Variants in CCDC14 observed in about 807,000 individuals in gnomAD.
CCDC14 encodes the protein coiled-coil domain containing 14, also known as coiled-coil domain-containing protein 14.
In CCDC14, 71 loss-of-function variants were observed where a neutral mutation model predicts 81.4. The ratio of observed to expected loss-of-function variants is 0.87; its 90% CI spans 0.72 to 1.06. The LOEUF (loss-of-function observed/expected upper bound fraction) is 1.06, where lower values mean the gene tolerates loss of function less well. CCDC14 is among the 50% of genes least tolerant of loss of function. The probability of loss-of-function intolerance (pLI) is 0.00; values close to 1 mark genes in which losing one functional copy is unlikely to be tolerated. For missense variants in CCDC14, 1,046 were observed against 1,047.3 expected (o/e 1.00, Z 0.02); for synonymous variants, 332 against 364.8 (o/e 0.91, Z 1.03).
chr3:123,902,504 C>A (rs545610041), intron 5 of CCDC14, among the ~76,000 whole-genome samples: 1 of 152,290 alleles, frequency 6.6e-6, no homozygotes, highest in African/African-American at 2.4e-5. Context: ...ATTCCATTAA[C>A]AATTCACAGG....
intron 9 of CCDC14, among the ~76,000 whole-genome samples, chr3:123,941,423 T>TA (rs2036346758): frequency 6.6e-6 from 1 of 151,018 alleles, no homozygotes; most frequent in Non-Finnish European, 1.5e-5. Flanking sequence ...TCCAAATATC[T>TA]AAACAGGAAA....
At chr3:123,952,604 T>C (rs370665143) in intron 5 of CCDC14, 33 of 531,290 alleles carry the variant, frequency 6.2e-5, no homozygotes, top group Non-Finnish European at 9.3e-5. Flanking sequence ...CCTGACTCCA[T>C]AGGCATTCAG....
At chr3:123,954,032 T>A (rs1430855745) in intron 5 of CCDC14, 1 of 152,172 alleles carries the variant, frequency 6.6e-6, no homozygotes, top group Non-Finnish European at 1.5e-5. Flanking sequence ...ACAGAGGCAG[T>A]TAAGTCAGGA....
chr3:123,936,767 A>G (rs2036079247), intron 9 of CCDC14, among the ~76,000 whole-genome samples: 1 of 152,086 alleles, frequency 6.6e-6, no homozygotes, highest in African/African-American at 2.4e-5. Flanking sequence ...GGGTGATGTA[A>G]TAACATGTAT....
chr3:123,886,675 C>A, the CCDC14 span, among the ~76,000 whole-genome samples: 16,394 of 152,156 alleles, frequency 0.11, 954 homozygotes, highest in Middle Eastern at 0.21. Flanking sequence ...GGATTACAGG[C>A]ATGAGCCACC....
chr3:123,914,022 T>A lies in CCDC14; in HGVS notation c.*757A>T. 1 of 985,316 alleles carries A rather than the reference T, an allele frequency of 1.0e-6. No homozygotes were observed. Among genetic ancestry groups the A allele is most frequent in the Non-Finnish European group, 1.2e-6 (1 of 829,518 alleles). 61.0% of individuals were successfully genotyped at this position (985,316 alleles called of 1,614,324 possible). On this transcript the variant is annotated 3_prime_UTR_variant, in exon 13 of 13. Coordinates refer to ENST00000409697, the MANE Select transcript of CCDC14 (RefSeq NM_001366335.1). Reference sequence around the variant, plus strand: ...TCAATGCCAAGATTTACAAATTCCATCATGTTTAAATATAAGGACAAAAAT... The same window carrying A: ...TCAATGCCAAGATTTACAAATTCCAACATGTTTAAATATAAGGACAAAAAT...
In CCDC14 at chr3:123,956,361, T is replaced by C; in HGVS notation, c.153A>G (p.Glu51=). The C allele has an allele frequency of 1.3e-6, 2 of 1,543,662 alleles. No individual in the cohort carries two copies. Among genetic ancestry groups the C allele is most frequent in the South Asian group, 2.4e-5 (2 of 82,308 alleles). Residue 51 remains glutamate (E), a synonymous_variant, in exon 3 of 13, where the codon GAA becomes GAG. Coordinates refer to ENST00000409697, the MANE Select transcript of CCDC14 (RefSeq NM_001366335.1). Reference sequence around the variant, plus strand: ...TGTATCTATTCAATCTTACCTGACTTTCTGAATCAGAATGGATGGAATAGC... The same window carrying C: ...TGTATCTATTCAATCTTACCTGACTCTCTGAATCAGAATGGATGGAATAGC... The part of the protein sequence containing the change: ...DSGYSIHSDS[E]SQAETVHGLD...
At chr3:123,958,345 A>T (rs900093294) in intron 1 of CCDC14, 2 of 152,160 alleles carry the variant, frequency 1.3e-5, no homozygotes, top group African/African-American at 4.8e-5. Flanking sequence ...AAGATTACAT[A>T]TGGTGTTTCT....
chr3:123,933,608 C>A, intron 10 of CCDC14, 65 bp downstream of exon 10: 1 of 1,136,884 alleles, frequency 8.8e-7, no homozygotes, highest in Non-Finnish European at 1.3e-6. Flanking sequence ...TACAAAAGCT[C>A]AATTCTTTAT....
intron 9 of CCDC14, among the ~76,000 whole-genome samples, chr3:123,936,745 G>T (rs2036078317): frequency 1.3e-5 from 2 of 151,958 alleles, no homozygotes; most frequent in Non-Finnish European, 2.9e-5. Context: ...TTGTGTACTG[G>T]GCTTAATACC....
rs1301461710 is a variant in CCDC14 at position 123,914,244 on chromosome 3, T to G, written c.*535A>C. On this transcript the variant is annotated 3_prime_UTR_variant, in exon 13 of 13. Coordinates refer to ENST00000409697, the MANE Select transcript of CCDC14 (RefSeq NM_001366335.1). ...TATATATTTTTTAGACCAATCAATG[T>G]TTTTTAAGAGGTGTAGATACTGGTA... 1 of 984,082 alleles carries G rather than the reference T, an allele frequency of 1.0e-6. No homozygotes were observed. The highest frequency in any genetic ancestry group is 1.7e-5 in the African/African-American group (1 of 57,196). 61.0% of individuals were successfully genotyped at this position (984,082 alleles called of 1,614,324 possible).
In CCDC14 at chr3:123,937,390, T is replaced by G. The variant is rs1302199331; in HGVS notation, c.1344-3635A>C. Among the ~76,000 whole-genome samples the G allele has an allele frequency of 2.6e-5, 4 of 152,050 alleles. No homozygotes were observed. The East Asian group carries it at 7.7e-4, about 29-fold the overall frequency. On this transcript the variant is annotated intron_variant, in intron 9 of 12. Coordinates refer to ENST00000409697, the MANE Select transcript of CCDC14 (RefSeq NM_001366335.1). ...GGTATGCAGTGGTATTTTGTCATGG[T>G]TTTAATTTTCACTTTCCTAATCATT...
downstream of CCDC14, among the ~76,000 whole-genome samples, chr3:123,897,102 A>G (rs1169406422): frequency 6.6e-6 from 1 of 152,238 alleles, no homozygotes; most frequent in Non-Finnish European, 1.5e-5. Context: ...CTTGTTACAA[A>G]GCCATTAATG....
At chr3:123,918,420 G>A (rs900983418) in intron 12 of CCDC14, among the ~76,000 whole-genome samples, 7 of 152,158 alleles carry the variant, frequency 4.6e-5, no homozygotes, top group African/African-American at 1.7e-4. Context: ...TGGAATAAGA[G>A]TTTCCTGGCT....
chr3:123,946,990 A>G lies in CCDC14; in HGVS notation c.1014T>C (p.Asn338=). The change falls in exon 8 of 13, where the codon AAT becomes AAC. Residue 338 remains asparagine, a synonymous_variant. Coordinates refer to ENST00000409697, the MANE Select transcript of CCDC14 (RefSeq NM_001366335.1). ...TTTGCTCTCTGGCACATTTTTCTTCATTAGTGGCCAAGAAAGCTGGTTGTG... is the reference window on the plus strand; with the variant it reads ...TTTGCTCTCTGGCACATTTTTCTTCGTTAGTGGCCAAGAAAGCTGGTTGTG... ...TQSQPAFLAT[N]EEKCAREQIR... is the part of the protein sequence containing the mutation. The G allele has an allele frequency of 1.2e-6, 2 of 1,613,838 alleles. No homozygotes were observed. Among genetic ancestry groups the G allele is most frequent in the Non-Finnish European group, 1.7e-6 (2 of 1,179,856 alleles).
At chr3:123,939,352 G>T (rs1920227) in intron 9 of CCDC14, among the ~76,000 whole-genome samples, 16,649 of 151,108 alleles carry the variant, frequency 0.11, 2,214 homozygotes, top group East Asian at 0.35. Context: ...CATCCTTAGG[G>T]TGTAGTAACT....
intron 9 of CCDC14, among the ~76,000 whole-genome samples, chr3:123,937,220 T>A (rs1323360136): frequency 6.6e-6 from 1 of 152,084 alleles, no homozygotes; most frequent in Non-Finnish European, 1.5e-5. Flanking sequence ...ACTGGCTGGA[T>A]CATATGTTAG....
intron 5 of CCDC14, among the ~76,000 whole-genome samples, chr3:123,899,661 C>T (rs2148756939): frequency 6.6e-6 from 1 of 152,334 alleles, no homozygotes; most frequent in East Asian, 1.9e-4. Context: ...GTCCCTTAGG[C>T]TATTGTGGCA....
intron 12 of CCDC14, among the ~76,000 whole-genome samples, chr3:123,929,125 T>C (rs535130611): frequency 1.3e-5 from 2 of 152,296 alleles, no homozygotes; most frequent in South Asian, 2.1e-4. Context: ...GATTTTCTGC[T>C]TGGGGCTAAG....
Sources: gnomAD v4.1 joint callset for allele counts (sites outside exome capture counted in the v4.1 genomes callset) on GRCh38, gnomAD v4.1.1 for gene constraint, MANE v1.5 for transcripts, NCBI Gene and HGNC (gene_info 2026-07-23, HGNC 2026-07-21) for gene names.